Variants in WWOX observed in about 807,000 individuals in gnomAD.
WWOX encodes the protein WW domain containing oxidoreductase.
WWOX carries 69 observed loss-of-function variants against 46.2 expected under a neutral mutation model. That is an observed-to-expected ratio of 1.49 (90% CI 1.23 to 1.82). The LOEUF (loss-of-function observed/expected upper bound fraction) is 1.82. Ranked by LOEUF, WWOX falls within the 40% of genes most tolerant of loss-of-function variation. The pLI is 0.00. For synonymous variants in WWOX, 359 were observed against 202.6 expected, an observed-to-expected ratio of 1.77 and a Z score of -6.56; for missense variants, 919 against 542.6, an observed-to-expected ratio of 1.69 and a Z score of -6.89.
At chr16:78,240,220 T>TG (rs1442144106) in intron 5 of WWOX, among the ~76,000 whole-genome samples, 1 of 152,042 alleles carries the variant, frequency 6.6e-6, no homozygotes, top group Non-Finnish European at 1.5e-5. Context: ...TGGGTGTGCC[T>TG]GCAATCCCAG....
intron 6 of WWOX, among the ~76,000 whole-genome samples, chr16:78,417,627 C>G (rs1212522024): frequency 6.6e-6 from 1 of 152,182 alleles, no homozygotes; most frequent in East Asian, 1.9e-4. Flanking sequence ...TCCCTCTTCC[C>G]CGCAAGGTTT....
At chr16:78,349,913 T>G (rs898005552) in intron 5 of WWOX, among the ~76,000 whole-genome samples, 1 of 121,186 alleles carries the variant, frequency 8.3e-6, no homozygotes. Flanking sequence ...TGTTAACATT[T>G]CGGTTTGTGT....
chr16:78,751,458 A>ATT (rs777774380), intron 8 of WWOX, among the ~76,000 whole-genome samples: 4 of 56,862 alleles, frequency 7.0e-5, no homozygotes, highest in East Asian at 8.8e-4. Flanking sequence ...TATTTATCAG[A>ATT]TTTTATATAT....
intron 8 of WWOX, among the ~76,000 whole-genome samples, chr16:78,880,932 C>G (rs1216507101): frequency 6.9e-6 from 1 of 145,042 alleles, no homozygotes; most frequent in African/African-American, 2.5e-5. Context: ...TTTCCAAGCA[C>G]TTTTTTTTTT....
At chr16:78,436,258 G>A (rs1001100390) in intron 8 of WWOX, among the ~76,000 whole-genome samples, 8 of 152,268 alleles carry the variant, frequency 5.3e-5, no homozygotes, top group South Asian at 2.1e-4. Flanking sequence ...GAAGAGAAGG[G>A]CTTTGTCCCT....
intron 8 of WWOX, among the ~76,000 whole-genome samples, chr16:78,694,623 A>G (rs1021235467): frequency 1.3e-5 from 2 of 152,238 alleles, no homozygotes; most frequent in African/African-American, 2.4e-5. Flanking sequence ...TAACCAGCAA[A>G]GGCATTCTGC....
chr16:78,184,794 G>A (rs970282984), intron 5 of WWOX, among the ~76,000 whole-genome samples: 1 of 152,196 alleles, frequency 6.6e-6, no homozygotes, highest in Non-Finnish European at 1.5e-5. Context: ...AGAGATGTCT[G>A]GGAAAGAATC....
At chr16:78,802,534 AT>A (rs1271526002) in intron 8 of WWOX, among the ~76,000 whole-genome samples, 3 of 152,108 alleles carry the variant, frequency 2.0e-5, no homozygotes, top group Non-Finnish European at 4.4e-5. Flanking sequence ...AAGACCAACC[AT>A]TTTCCCCAAA....
intron 4 of WWOX, among the ~76,000 whole-genome samples, chr16:78,116,790 C>T (rs2032815726): frequency 6.6e-6 from 1 of 152,148 alleles, no homozygotes; most frequent in South Asian, 2.1e-4. Context: ...ACAAGTTAGC[C>T]AGAAACTTTA....
At chr16:78,734,090 T>C (rs562693235) in intron 8 of WWOX, among the ~76,000 whole-genome samples, 1 of 151,190 alleles carries the variant, frequency 6.6e-6, no homozygotes, top group East Asian at 2.0e-4. Context: ...ACTAAATAAG[T>C]CGTCCATCCG....
At chr16:79,057,859 C>G (rs1445263571) in intron 8 of WWOX, among the ~76,000 whole-genome samples, 1 of 152,180 alleles carries the variant, frequency 6.6e-6, no homozygotes, top group African/African-American at 2.4e-5. Context: ...GTTGTATCAT[C>G]TGAATTATTT....
In WWOX at chr16:78,099,892, G is replaced by T; in HGVS notation, c.107+7G>T. On this transcript the variant is annotated splice_region_variant and intron_variant, in intron 1 of 8. Transcript: ENST00000566780. ...GCTGGGTTTACTACGCCAAGTAAGG[G>T]GGCCGCAGTGGGGCCGCGGACGCAC... The T allele has an allele frequency of 3.9e-6, 6 of 1,556,766 alleles. No homozygotes were observed. The highest frequency in any genetic ancestry group is 5.2e-6 in the Non-Finnish European group (6 of 1,151,094).
chr16:78,647,616 G>T (rs2046874727), intron 8 of WWOX, among the ~76,000 whole-genome samples: 1 of 152,126 alleles, frequency 6.6e-6, no homozygotes, highest in African/African-American at 2.4e-5. Context: ...TAAAATAACA[G>T]CTACCATTTC....
intron 8 of WWOX, among the ~76,000 whole-genome samples, chr16:78,765,867 G>A (rs1240921700): frequency 6.6e-6 from 1 of 152,178 alleles, no homozygotes; most frequent in Non-Finnish European, 1.5e-5. Flanking sequence ...GGACAGAGTG[G>A]GTGGCACAGG....
chr16:78,259,823 G>A (rs1333032557), intron 5 of WWOX, among the ~76,000 whole-genome samples: 1 of 150,640 alleles, frequency 6.6e-6, no homozygotes, highest in African/African-American at 2.5e-5. Flanking sequence ...TATTGTAAAG[G>A]AATATTTAAA....
chr16:78,403,714 C>G (rs1250653446), intron 6 of WWOX, among the ~76,000 whole-genome samples: 1 of 152,218 alleles, frequency 6.6e-6, no homozygotes, highest in African/African-American at 2.4e-5. Flanking sequence ...CCCAGATTGT[C>G]CCACAAGGAA....
intron 8 of WWOX, among the ~76,000 whole-genome samples, chr16:78,916,334 C>G (rs1023365319): frequency 9.2e-5 from 14 of 152,134 alleles, no homozygotes. Flanking sequence ...AACAATAATA[C>G]CATGCTTTCA....
At chr16:78,607,546 C>T (rs1597340185) in intron 8 of WWOX, among the ~76,000 whole-genome samples, 1 of 151,968 alleles carries the variant, frequency 6.6e-6, no homozygotes, top group South Asian at 2.1e-4. Flanking sequence ...ACCAAAGGGT[C>T]TTAGAGTGTG....
intron 8 of WWOX, among the ~76,000 whole-genome samples, chr16:79,168,004 C>T (rs761349462): frequency 6.6e-5 from 10 of 152,266 alleles, no homozygotes; most frequent in African/African-American, 1.9e-4. Context: ...TGTCTAGCTC[C>T]GTTCACTTAG....
Sources: gnomAD v4.1 joint callset for allele counts (sites outside exome capture counted in the v4.1 genomes callset) on GRCh38, gnomAD v4.1.1 for gene constraint, MANE v1.5 for transcripts, NCBI Gene and HGNC (gene_info 2026-07-23, HGNC 2026-07-21) for gene names.